The following SERGEF variants were observed in gnomAD, a reference collection of about 807,000 sequenced individuals.
SERGEF encodes secretion-regulating guanine nucleotide exchange factor.
A neutral mutation model predicts 50.0 loss-of-function variants in SERGEF; 51 were observed. The observed-to-expected ratio is 1.02, with a 90% CI of 0.81 to 1.29. SERGEF has a LOEUF of 1.29. Among genes scored for constraint, SERGEF ranks in the 50% most tolerant of loss-of-function variants. The pLI is 0.00. For missense variants in SERGEF, 521 were observed against 557.0 expected, an observed-to-expected ratio of 0.94 and a Z score of 0.65; for synonymous variants, 205 against 212.4, an observed-to-expected ratio of 0.97 and a Z score of 0.30.
chr11:17,985,240 TC>T (rs1424519276), intron 8 of SERGEF, among the ~76,000 whole-genome samples: 6 of 152,230 alleles, frequency 3.9e-5, no homozygotes, highest in African/African-American at 1.4e-4. Flanking sequence ...CAGGCAGCCA[TC>T]ACTTATGTAT....
At chr11:17,915,557 C>A (rs2133934216) in intron 9 of SERGEF, among the ~76,000 whole-genome samples, 1 of 152,296 alleles carries the variant, frequency 6.6e-6, no homozygotes, top group Admixed American at 6.5e-5. Context: ...ATTCTGAGGA[C>A]CATTAACTCA....
intron 10 of SERGEF, among the ~76,000 whole-genome samples, chr11:17,864,568 G>A (rs1205803215): frequency 2.0e-5 from 3 of 152,270 alleles, no homozygotes; most frequent in Admixed American, 6.5e-5. Flanking sequence ...GGTTTATCAT[G>A]TTTCTGGCCT....
chr11:18,002,634 T>C (rs2134009885), intron 4 of SERGEF, among the ~76,000 whole-genome samples: 1 of 152,332 alleles, frequency 6.6e-6, no homozygotes, highest in South Asian at 2.1e-4. Context: ...TTCCCCCAGA[T>C]GCTCAAAACT....
At chr11:17,916,209 C>T (rs946575397) in intron 9 of SERGEF, among the ~76,000 whole-genome samples, 1 of 152,166 alleles carries the variant, frequency 6.6e-6, no homozygotes, top group South Asian at 2.1e-4. Context: ...GTAAATACAT[C>T]GCTCTATCAC....
intron 9 of SERGEF, among the ~76,000 whole-genome samples, chr11:17,900,255 C>T (rs1053683691): frequency 6.6e-6 from 1 of 152,116 alleles, no homozygotes; most frequent in African/African-American, 2.4e-5. Context: ...GTCTCAGTTT[C>T]CCCACCTAAA....
intron 8 of SERGEF, among the ~76,000 whole-genome samples, chr11:17,969,853 A>G (rs536133807): frequency 6.6e-6 from 1 of 152,340 alleles, no homozygotes; most frequent in Non-Finnish European, 1.5e-5. Context: ...TATGGGAATA[A>G]GGTTCAAAGT....
chr11:17,912,452 T>C (rs560953316), intron 9 of SERGEF, among the ~76,000 whole-genome samples: 45 of 152,334 alleles, frequency 3.0e-4, no homozygotes, highest in African/African-American at 1.0e-3. Flanking sequence ...TTACATAAGA[T>C]TCTATCATTG....
intron 8 of SERGEF, among the ~76,000 whole-genome samples, chr11:17,971,937 G>C (rs182534965): frequency 6.6e-6 from 1 of 152,174 alleles, no homozygotes; most frequent in Non-Finnish European, 1.5e-5. Flanking sequence ...ATTCCAACCC[G>C]CATGGATGAC....
chr11:17,877,591 A>T (rs1468555359), intron 10 of SERGEF, among the ~76,000 whole-genome samples: 2 of 152,236 alleles, frequency 1.3e-5, no homozygotes, highest in African/African-American at 4.8e-5. Flanking sequence ...CCTACACTGC[A>T]GTCTCTTTAA....
At position 18,006,482 on chromosome 11, in the gene SERGEF, G is replaced by A; in HGVS notation, c.352+109C>T. 2.6e-6 allele frequency: 3 copies of A among 1,144,122 alleles called. No homozygotes were observed. The East Asian group carries it at 7.2e-5, about 27-fold the overall frequency. 70.9% of individuals were successfully genotyped at this position (1,144,122 alleles called of 1,614,324 possible). A position where few individuals can be genotyped will look rare whatever the true frequency, so the allele number is the denominator to read the frequency against. ...TGAGCCACCGCACCAGGCCTTATGTGTGCTTTTTAAACACAAAGAGGCTTT... is the reference window on the plus strand; with the variant it reads ...TGAGCCACCGCACCAGGCCTTATGTATGCTTTTTAAACACAAAGAGGCTTT... On this transcript the variant is annotated intron_variant, in intron 3 of 10. Coordinates refer to ENST00000265965, the MANE Select transcript of SERGEF (RefSeq NM_012139.4).
intron 8 of SERGEF, among the ~76,000 whole-genome samples, chr11:17,961,650 T>C (rs1852999194): frequency 6.6e-6 from 1 of 152,212 alleles, no homozygotes; most frequent in Non-Finnish European, 1.5e-5. Flanking sequence ...CCATTCCACT[T>C]ACAGAGCACT....
At chr11:17,794,876 T>C (rs1048434000) in intron 10 of SERGEF, among the ~76,000 whole-genome samples, 2 of 152,130 alleles carry the variant, frequency 1.3e-5, no homozygotes, top group African/African-American at 4.8e-5. Context: ...CAGGAAGTAA[T>C]GGAAGGCAAG....
intron 3 of SERGEF, among the ~76,000 whole-genome samples, chr11:18,004,894 C>G (rs983527853): frequency 6.6e-6 from 1 of 152,242 alleles, no homozygotes; most frequent in African/African-American, 2.4e-5. Context: ...TCCCCATCCT[C>G]ACTGCTTTCT....
At chr11:17,925,056 C>A (rs1043484609) in intron 9 of SERGEF, among the ~76,000 whole-genome samples, 6 of 152,038 alleles carry the variant, frequency 3.9e-5, no homozygotes, top group African/African-American at 1.4e-4. Context: ...CAGGTGTACT[C>A]TTTTTTTTCT....
chr11:17,961,114 A>G (rs967969884), intron 8 of SERGEF, among the ~76,000 whole-genome samples: 4 of 152,066 alleles, frequency 2.6e-5, no homozygotes, highest in African/African-American at 9.7e-5. Flanking sequence ...CTCATCCACT[A>G]CTATGCCGCC....
chr11:17,865,618 A>G (rs904692406), intron 10 of SERGEF, among the ~76,000 whole-genome samples: 3 of 152,142 alleles, frequency 2.0e-5, no homozygotes, highest in African/African-American at 4.8e-5. Context: ...AAGTTTAAAA[A>G]GCAAAATAAT....
chr11:17,826,200 T>C (rs1211488704), intron 10 of SERGEF, among the ~76,000 whole-genome samples: 1 of 152,226 alleles, frequency 6.6e-6, no homozygotes, highest in Non-Finnish European at 1.5e-5. Context: ...TAGATGCTAT[T>C]CAAGAATTCG....
At chr11:17,944,522 T>G (rs563743937) in intron 9 of SERGEF, among the ~76,000 whole-genome samples, 11 of 152,360 alleles carry the variant, frequency 7.2e-5, no homozygotes, top group African/African-American at 2.2e-4. Flanking sequence ...TTCCTCAGTC[T>G]TAACTTCCAG....
chr11:17,881,065 G>A (rs950006399), intron 9 of SERGEF, among the ~76,000 whole-genome samples: 5 of 152,126 alleles, frequency 3.3e-5, no homozygotes, highest in Non-Finnish European at 5.9e-5. Flanking sequence ...GGAGACTGAG[G>A]CTCATACATA....
Sources: gnomAD v4.1 joint callset for allele counts (sites outside exome capture counted in the v4.1 genomes callset) on GRCh38, gnomAD v4.1.1 for gene constraint, MANE v1.5 for transcripts, NCBI Gene and HGNC (gene_info 2026-07-23, HGNC 2026-07-21) for gene names.